NUCB2: variants seen among roughly 807,000 people sequenced by gnomAD.
NUCB2 encodes the protein nucleobindin-2.
Under a neutral mutation model 57.9 loss-of-function variants are expected in NUCB2, and 48 were observed. That is an observed-to-expected ratio of 0.83 (90% CI 0.66 to 1.05). The LOEUF is 1.05. Ranked by LOEUF, NUCB2 falls within the 50% of genes least tolerant of loss-of-function variation. The pLI is 0.00. For synonymous variants in NUCB2, 139 were observed against 152.1 expected (o/e 0.91, Z 0.64); for missense variants, 442 against 476.2 (o/e 0.93, Z 0.67).
chr11:17,344,369 A>G (rs1952547190), intron 2 of NUCB2, among the ~76,000 whole-genome samples: 3 of 152,238 alleles, frequency 2.0e-5, no homozygotes, highest in African/African-American at 4.8e-5. Context: ...TTAGGAGAAA[A>G]GTAGCCTAGT....
At chr11:17,292,871 T>C (rs1161018928) in intron 2 of NUCB2, among the ~76,000 whole-genome samples, 1 of 152,224 alleles carries the variant, frequency 6.6e-6, no homozygotes, top group Non-Finnish European at 1.5e-5. Flanking sequence ...ATAATAAGCA[T>C]GGGGATCAAT....
chr11:17,346,022 A>C (rs1952708483), intron 2 of NUCB2, among the ~76,000 whole-genome samples: 1 of 152,196 alleles, frequency 6.6e-6, no homozygotes, highest in Non-Finnish European at 1.5e-5. Context: ...TTCTAATTAT[A>C]TTAAAAGTAA....
chr11:17,325,472 T>C (rs1950553940), intron 11 of NUCB2, among the ~76,000 whole-genome samples: 1 of 152,226 alleles, frequency 6.6e-6, no homozygotes, highest in Non-Finnish European at 1.5e-5. Flanking sequence ...CTCTGTTTTG[T>C]CTGATGTAAG....
At chr11:17,291,677 A>G (rs1239906016) in intron 2 of NUCB2, among the ~76,000 whole-genome samples, 2 of 152,110 alleles carry the variant, frequency 1.3e-5, no homozygotes, top group Non-Finnish European at 2.9e-5. Flanking sequence ...CTTGAATGAA[A>G]TGTAAGTCTG....
At chr11:17,348,692 C>T (rs1172436834) in intron 2 of NUCB2, among the ~76,000 whole-genome samples, 1 of 151,858 alleles carries the variant, frequency 6.6e-6, no homozygotes, top group Non-Finnish European at 1.5e-5. Flanking sequence ...CTGAATTCGT[C>T]ACTCCTAGAT....
chr11:17,301,786 G>T lies in NUCB2; in HGVS notation c.295G>T (p.Val99Leu). 6.2e-7 allele frequency: 1 copy of T among 1,610,678 alleles called. No individual in the cohort carries two copies. The highest frequency in any genetic ancestry group is 8.5e-7 in the Non-Finnish European group (1 of 1,176,898). The change falls in exon 5 of 14, where the codon GTG becomes TTG. Residue 99 changes from valine (V) to leucine (L), a missense_variant. Val to Leu is a conservative substitution (Grantham distance 32, BLOSUM62 1). Transcript: ENST00000529010. ...AGAACTGGATTTAGTAAGTCACCAT[G>T]TGAGGACAAAACTTGATGAACTGAA... ...SKELDLVSHHVRTKLDELKRQ... is the reference protein window; with the variant it reads ...SKELDLVSHHLRTKLDELKRQ...
intron 11 of NUCB2, among the ~76,000 whole-genome samples, chr11:17,316,230 A>C (rs1164363765): frequency 1.3e-5 from 2 of 152,154 alleles, no homozygotes; most frequent in Non-Finnish European, 2.9e-5. Context: ...TCAGCCTCCC[A>C]AAGTACTGGG....
chr11:17,344,036 G>C (rs956166119), intron 2 of NUCB2, among the ~76,000 whole-genome samples: 4 of 152,122 alleles, frequency 2.6e-5, no homozygotes, highest in African/African-American at 7.2e-5. Flanking sequence ...CTCATTCCTG[G>C]TTTGGTTTCA....
chr11:17,313,048 A>G (rs960499611), intron 10 of NUCB2, among the ~76,000 whole-genome samples: 4 of 151,200 alleles, frequency 2.6e-5, no homozygotes, highest in Admixed American at 1.3e-4. Flanking sequence ...TGTCTTTGCT[A>G]CGTTGCCCAG....
At chr11:17,335,355 A>G (rs1951722095), downstream of NUCB2, among the ~76,000 whole-genome samples, 1 of 152,208 alleles carries the variant, frequency 6.6e-6, no homozygotes, top group Non-Finnish European at 1.5e-5. Flanking sequence ...TTTTTGGCTC[A>G]AGTAAATGAT....
intron 13 of NUCB2, 52 bp from the exon 14 acceptor site, chr11:17,331,360 A>T (rs1951388280): frequency 9.2e-7 from 1 of 1,090,790 alleles, no homozygotes. Flanking sequence ...AGGAACATTT[A>T]GAATAAAGGA....
intron 2 of NUCB2, among the ~76,000 whole-genome samples, chr11:17,285,784 C>T (rs1056883712): frequency 2.7e-5 from 4 of 146,354 alleles, no homozygotes; most frequent in Admixed American, 6.9e-5. Flanking sequence ...AAAGGAGGAA[C>T]AGAGACTACT....
exon 3 of NUCB2, chr11:17,349,965 A>G (rs1398586942): frequency 6.6e-6 from 1 of 152,230 alleles, no homozygotes; most frequent in Non-Finnish European, 1.5e-5. Context: ...AGAAAGTCAG[A>G]GTTTTCCATA....
chr11:17,297,804 C>T (rs1481611123), intron 4 of NUCB2, among the ~76,000 whole-genome samples: 2 of 152,170 alleles, frequency 1.3e-5, no homozygotes, highest in African/African-American at 4.8e-5. Flanking sequence ...AAATGAGGGT[C>T]CGTGTGTGGT....
chr11:17,318,094 C>T (rs1202532884), intron 11 of NUCB2, among the ~76,000 whole-genome samples: 1 of 151,466 alleles, frequency 6.6e-6, no homozygotes, highest in Non-Finnish European at 1.5e-5. Context: ...GCCCCCATCC[C>T]CCTCAACCTG....
At chr11:17,348,014 T>G (rs1186228939) in intron 2 of NUCB2, among the ~76,000 whole-genome samples, 2 of 152,228 alleles carry the variant, frequency 1.3e-5, no homozygotes, top group Non-Finnish European at 2.9e-5. Context: ...GATTTTTATG[T>G]CTTTTTATTT....
chr11:17,325,879 T>C (rs777979843), intron 11 of NUCB2, among the ~76,000 whole-genome samples: 6 of 152,220 alleles, frequency 3.9e-5, no homozygotes, highest in Non-Finnish European at 5.9e-5. Flanking sequence ...GCAAATAATA[T>C]TTTATAACCC....
intron 4 of NUCB2, among the ~76,000 whole-genome samples, chr11:17,297,963 TC>T (rs1339615468): frequency 3.3e-5 from 5 of 150,754 alleles, no homozygotes; most frequent in Non-Finnish European, 7.4e-5. Context: ...GCACCTGTAA[TC>T]CCAGCCACTC....
intron 2 of NUCB2, among the ~76,000 whole-genome samples, chr11:17,284,676 T>C (rs12419530): frequency 0.025 from 3,763 of 150,416 alleles, 67 homozygotes; most frequent in Non-Finnish European, 0.037. Context: ...AACAAAATAA[T>C]CAGGAGACTT....
Sources: gnomAD v4.1 joint callset for allele counts (sites outside exome capture counted in the v4.1 genomes callset) on GRCh38, gnomAD v4.1.1 for gene constraint, MANE v1.5 for transcripts, NCBI Gene and HGNC (gene_info 2026-07-23, HGNC 2026-07-21) for gene names.